Variants in ZYG11B observed in about 807,000 individuals in gnomAD.
ZYG11B encodes the protein zyg-11 family member B, cell cycle regulator, also known as protein zyg-11 homolog B.
Under a neutral mutation model 82.4 loss-of-function variants are expected in ZYG11B, and 36 were observed. That is an observed-to-expected ratio of 0.44 (90% CI 0.33 to 0.58). The LOEUF (loss-of-function observed/expected upper bound fraction) is 0.58. Ranked by LOEUF, ZYG11B falls within the 20% of genes least tolerant of loss-of-function variation. ZYG11B has a pLI of 0.02. For missense variants in ZYG11B, 552 were observed against 895.6 expected, an observed-to-expected ratio of 0.62 and a Z score of 4.90; for synonymous variants, 303 against 312.8, an observed-to-expected ratio of 0.97 and a Z score of 0.33.
chr1:52,766,195 A>G (rs573694613), intron 2 of ZYG11B, among the ~76,000 whole-genome samples: 1 of 146,816 alleles, frequency 6.8e-6, no homozygotes, highest in Non-Finnish European at 1.5e-5. Flanking sequence ...ATCTTGGCTC[A>G]CTGCAACCCC....
chr1:52,821,565 AAC>A lies in ZYG11B; in HGVS notation c.2175_2176del (p.Ile726CysfsTer10). 2 of 1,614,146 alleles carry A rather than the reference AAC, an allele frequency of 1.2e-6. No homozygotes were observed. Among genetic ancestry groups the A allele is most frequent in the Non-Finnish European group, 1.7e-6 (2 of 1,180,008 alleles). On this transcript the variant is annotated frameshift_variant, in exon 14 of 14. Transcript: ENST00000294353. LOFTEE classifies it high-confidence loss of function. ...GTGGCCATTCTGGATAGCTTAGAAA[AAC>A]ACATTGTGCGCCATGGGAGGCCACC...
chr1:52,804,106 A>G (rs987258870), intron 10 of ZYG11B, among the ~76,000 whole-genome samples: 7 of 152,078 alleles, frequency 4.6e-5, no homozygotes, highest in Admixed American at 1.3e-4. Context: ...TTAGCTGAAC[A>G]TGGTGACATG....
Position 52,826,084 on chromosome 1 carries a change from C to T in ZYG11B, c.*4455C>T, listed in dbSNP as rs1438910902. ...CTCTAATGGTATGTTTACATTATTT[C>T]GTTATTATACAATGTAGTGGTATAA... On this transcript the variant is annotated 3_prime_UTR_variant, in exon 14 of 14. Transcript: ENST00000294353. 1.3e-5 allele frequency: 2 copies of T among 152,096 alleles called. No individual in the cohort carries two copies. Among genetic ancestry groups the T allele is most frequent in the South Asian group, 2.1e-4 (1 of 4,826 alleles). The allele number at this position is 152,096 out of a possible 1,614,324, so 9.4% of individuals were successfully genotyped here. A position where few individuals can be genotyped will look rare whatever the true frequency, so the allele number is the denominator to read the frequency against.
intron 4 of ZYG11B, among the ~76,000 whole-genome samples, chr1:52,780,578 A>G (rs1242314885): frequency 1.3e-5 from 2 of 152,188 alleles, no homozygotes; most frequent in Non-Finnish European, 2.9e-5. Flanking sequence ...TTTAGAACCT[A>G]CTATGCATTC....
rs894712072 is a variant in ZYG11B, at chr1:52,760,857, G to A, written c.196+4234G>A. ...AGCTCACTGCAGTCTCTGCCTCCTG[G>A]GTTCATTTGATCCTCCTGGCTTAGC... On this transcript the variant is annotated intron_variant, in intron 2 of 13. Transcript: ENST00000294353. Among the ~76,000 whole-genome samples the A allele has an allele frequency of 1.1e-4, 16 of 151,402 alleles. 1 individual carries two copies. The highest frequency in any genetic ancestry group is 2.9e-4 in the African/African-American group (12 of 41,268).
At chr1:52,802,458 C>T (rs1645084041) in intron 10 of ZYG11B, among the ~76,000 whole-genome samples, 1 of 150,338 alleles carries the variant, frequency 6.7e-6, no homozygotes, top group African/African-American at 2.4e-5. Flanking sequence ...TCAAGCAGTT[C>T]CCCCAACTCA....
Position 52,797,360 on chromosome 1 carries a change from TACATATAATATA to T in ZYG11B, c.1485+577_1485+588del, listed in dbSNP as rs1466638183. On this transcript the variant is annotated intron_variant, in intron 8 of 13. Coordinates refer to ENST00000294353, the MANE Select transcript of ZYG11B (RefSeq NM_024646.3). ...ATTTATAATTATATATTATATATAA[TACATATAATATA>T]TAATATATAATACATATATATCATA... Among the ~76,000 whole-genome samples the T allele has an allele frequency of 1.9e-4, 10 of 53,540 alleles. No individual in the cohort carries two copies. The East Asian group carries it at 0.022, about 118-fold the overall frequency. 35.1% of individuals were successfully genotyped at this position (53,540 alleles called of 152,430 possible).
chr1:52,791,162 A>G (rs541852), intron 6 of ZYG11B, among the ~76,000 whole-genome samples: 43,486 of 151,440 alleles, frequency 0.29, 7,649 homozygotes, highest in Admixed American at 0.43. Context: ...TGGTACAGAC[A>G]GGGTTTCACC....
At position 52,772,585 on chromosome 1, in the gene ZYG11B, A is replaced by G; in HGVS notation, c.951+811A>G. On this transcript the variant is annotated intron_variant, in intron 3 of 13. Coordinates refer to ENST00000294353, the MANE Select transcript of ZYG11B (RefSeq NM_024646.3). The stretch of plus-strand genomic sequence containing the variant: ...GATGTCAACTTCAACCAAGTGGGGA[A>G]GCTGCGTCGATAGGGTAAAGCCGAC... 1.3e-6 allele frequency: 2 copies of G among 1,544,618 alleles called. 1 individual carries two copies. Among genetic ancestry groups the G allele is most frequent in the South Asian group, 2.2e-5 (2 of 89,594 alleles).
chr1:52,783,497 C>T (rs1051796397), intron 4 of ZYG11B, among the ~76,000 whole-genome samples: 3 of 151,588 alleles, frequency 2.0e-5, no homozygotes, highest in African/African-American at 7.3e-5. Context: ...CAAAAGATTC[C>T]TTATGGTAGC....
chr1:52,749,621 GA>G (rs1644504652), intron 1 of ZYG11B, among the ~76,000 whole-genome samples: 1 of 151,690 alleles, frequency 6.6e-6, no homozygotes, highest in Non-Finnish European at 1.5e-5. Context: ...TTATTTTTTT[GA>G]GATGGAGTTT....
chr1:52,796,344 A>C lies in ZYG11B; in HGVS notation c.1387A>C (p.Asn463His). 1 of 1,614,004 alleles carries C rather than the reference A, an allele frequency of 6.2e-7. No homozygotes were observed. The highest frequency in any genetic ancestry group is 8.5e-7 in the Non-Finnish European group (1 of 1,179,944). ...MQWLCNHEDQNMQRMAVAIIS... is the reference protein window; with the variant it reads ...MQWLCNHEDQHMQRMAVAIIS... ...GTGGCTTTGCAACCATGAGGATCAA[A>C]ACATGCAAAGGATGGCAGTTGCTAT... The change falls in exon 7 of 14, where the codon AAC (asparagine) becomes CAC (histidine). Residue 463 changes from asparagine (N) to histidine (H), a missense_variant. Around this residue, in one of 3 missense-constraint regions of ZYG11B, gnomAD observed 66 missense variants for 176.4 expected, o/e 0.37. Transcript: ENST00000294353.
At chr1:52,814,869 A>T (rs1008021315) in intron 12 of ZYG11B, among the ~76,000 whole-genome samples, 1 of 152,180 alleles carries the variant, frequency 6.6e-6, no homozygotes, top group Non-Finnish European at 1.5e-5. Context: ...AAGTAGCACC[A>T]GATTTGGGCC....
In ZYG11B at chr1:52,813,525, T is replaced by A. The variant is rs1418074579; in HGVS notation, c.1696-11T>A. 1 of 1,584,430 alleles carries A rather than the reference T, an allele frequency of 6.3e-7. No individual in the cohort carries two copies. The highest frequency in any genetic ancestry group is 8.6e-7 in the Non-Finnish European group (1 of 1,164,790). On this transcript the variant is annotated splice_polypyrimidine_tract_variant and intron_variant, in intron 10 of 13. Transcript: ENST00000294353. ...TTACATTAATTTTTATATTTTCTTT[T>A]TTTTTTCCAGAACAATATAGCTGAA...
intron 1 of ZYG11B, among the ~76,000 whole-genome samples, chr1:52,736,006 TA>T (rs2149918705): frequency 6.6e-6 from 1 of 152,292 alleles, no homozygotes; most frequent in African/African-American, 2.4e-5. Flanking sequence ...TATTATGCAT[TA>T]AAAATATCAA....
intron 2 of ZYG11B, among the ~76,000 whole-genome samples, chr1:52,759,060 T>C (rs530980834): frequency 6.6e-6 from 1 of 152,206 alleles, no homozygotes; most frequent in Non-Finnish European, 1.5e-5. Context: ...GCCTCCTGAG[T>C]AGCTGGGACT....
At chr1:52,770,083 TATATATA>T in intron 2 of ZYG11B, among the ~76,000 whole-genome samples, 1 of 72,646 alleles carries the variant, frequency 1.4e-5, no homozygotes, top group African/African-American at 3.7e-5. Flanking sequence ...TATATATATA[TATATATA>T]TATTTTTTTT....
In ZYG11B at chr1:52,771,743, C is replaced by G. The variant is rs1558128298; in HGVS notation, c.920C>G (p.Ser307Cys). Residue 307 changes from serine (S) to cysteine (C), a missense_variant, in exon 3 of 14, where the codon TCT (serine) becomes TGT (cysteine). This residue lies in a region of ZYG11B where 359 missense variants were observed against 555.8 expected (regional missense o/e 0.65). Transcript: ENST00000294353. The surrounding 1 kb of genome is among the most constrained non-coding windows in gnomAD (Gnocchi z 5.4). Reference sequence around the variant, plus strand: ...TTGCTGGCTACTGATGCTGGTTACTCTGAATTCCTCACAGGCGAAGGACAT... The same window carrying G: ...TTGCTGGCTACTGATGCTGGTTACTGTGAATTCCTCACAGGCGAAGGACAT... ...VGLLATDAGYSEFLTGEGHLK... is the reference protein window; with the variant it reads ...VGLLATDAGYCEFLTGEGHLK... 3 of 1,612,684 alleles carry G rather than the reference C, an allele frequency of 1.9e-6. 1 individual carries two copies. Among genetic ancestry groups the G allele is most frequent in the Non-Finnish European group, 2.5e-6 (3 of 1,178,930 alleles).
At chr1:52,740,100 A>T (rs1644411634) in intron 1 of ZYG11B, among the ~76,000 whole-genome samples, 1 of 151,962 alleles carries the variant, frequency 6.6e-6, no homozygotes, top group Non-Finnish European at 1.5e-5. Flanking sequence ...TATTAACCCC[A>T]CTTCTCTGTT....
Sources: allele counts gnomAD v4.1 joint callset (sites outside exome capture counted in the v4.1 genomes callset), GRCh38; gene constraint gnomAD v4.1.1; regional missense constraint gnomAD v4.1.1; non-coding constraint Gnocchi (gnomAD v3.1); transcripts MANE v1.5; gene names NCBI Gene and HGNC (gene_info 2026-07-23, HGNC 2026-07-21).